SH3GLB2: variants seen among roughly 807,000 people sequenced by gnomAD.
SH3GLB2 encodes the protein SH3 domain containing GRB2 like, endophilin B2.
In SH3GLB2, 24 loss-of-function variants were observed where a neutral mutation model predicts 48.0. The observed-to-expected ratio is 0.50, with a 90% CI of 0.36 to 0.70. The LOEUF is 0.70. SH3GLB2 is among the 30% of genes least tolerant of loss of function. The pLI, the probability that SH3GLB2 is intolerant of heterozygous loss-of-function variation, is 0.00. For synonymous variants in SH3GLB2, 227 were observed against 207.6 expected, an observed-to-expected ratio of 1.09 and a Z score of -0.80; for missense variants, 425 against 516.0, an observed-to-expected ratio of 0.82 and a Z score of 1.71.
At chr9:129,009,691 C>T (rs1352528177) in intron 9 of SH3GLB2, 80 bp downstream of exon 9, 8 of 1,441,064 alleles carry the variant, frequency 5.6e-6, no homozygotes, top group Non-Finnish European at 7.6e-6. Flanking sequence ...ACAGGACTTG[C>T]CCAGAGGAGC....
At chr9:129,019,791 C>T (rs1843668759) in intron 3 of SH3GLB2, among the ~76,000 whole-genome samples, 1 of 149,320 alleles carries the variant, frequency 6.7e-6, no homozygotes, top group Non-Finnish European at 1.5e-5. Context: ...GAATTATACA[C>T]TTAAACACAT....
At chr9:129,016,002 A>T (rs1252401286) in intron 3 of SH3GLB2, 1 of 166,784 alleles carries the variant, frequency 6.0e-6, no homozygotes, top group Non-Finnish European at 1.3e-5. Context: ...AAGTAAAGAA[A>T]AAATTGTTCA....
intron 8 of SH3GLB2, 26 bp from the exon 9 acceptor site, chr9:129,009,897 C>A (rs1214738982): frequency 6.3e-7 from 1 of 1,598,466 alleles, no homozygotes; most frequent in Non-Finnish European, 8.6e-7. Context: ...CAGAGGCTGA[C>A]TTCTAACCTC....
chr9:129,010,512 CCA>C, intron 7 of SH3GLB2, 156 bp downstream of exon 7: 1 of 824,094 alleles, frequency 1.2e-6, no homozygotes, highest in Non-Finnish European at 2.0e-6. Context: ...AAACATTTCC[CCA>C]CAGAGGGGAA....
In SH3GLB2 at chr9:129,014,753, T is replaced by C. The variant is rs775207557; in HGVS notation, c.468+18A>G. 2 of 1,607,676 alleles carry C rather than the reference T, an allele frequency of 1.2e-6. No individual in the cohort carries two copies. Among genetic ancestry groups the C allele is most frequent in the South Asian group, 2.2e-5 (2 of 90,498 alleles). ...CTGCCATGGTTACCAGGAAGCGGAA[T>C]AGTCCCAGGGCCCTCACCGAGATGG... On this transcript the variant is annotated intron_variant, in intron 4 of 10. Coordinates refer to ENST00000372564, the MANE Select transcript of SH3GLB2 (RefSeq NM_020145.4). This position sits in a 1 kb window ranked among gnomAD's most constrained non-coding sequence, Gnocchi z 4.1.
intron 3 of SH3GLB2, among the ~76,000 whole-genome samples, chr9:129,018,448 G>A (rs1385796273): frequency 6.6e-6 from 1 of 151,252 alleles, no homozygotes; most frequent in East Asian, 1.9e-4. Flanking sequence ...ATGGTGGCGG[G>A]TGCCTGTAAT....
chr9:129,012,612 C>T lies in SH3GLB2; in HGVS notation c.562-314G>A, dbSNP rs1008042347. The T allele has an allele frequency of 1.6e-5, 7 of 424,722 alleles. No individual in the cohort carries two copies. The East Asian group carries it at 2.1e-4, about 13-fold the overall frequency. 26.3% of individuals were successfully genotyped at this position (424,722 alleles called of 1,614,324 possible). ...CTGGGCTCTCCCCTGCCAGGGGCCACAGCCCCCTCCTCCCCAGACCAGTGG... is the reference window on the plus strand; with the variant it reads ...CTGGGCTCTCCCCTGCCAGGGGCCATAGCCCCCTCCTCCCCAGACCAGTGG... On this transcript the variant is annotated intron_variant, in intron 5 of 10. Coordinates refer to ENST00000372564, the MANE Select transcript of SH3GLB2 (RefSeq NM_020145.4).
chr9:129,014,988 C>A lies in SH3GLB2; in HGVS notation c.335-84G>T. The A allele has an allele frequency of 1.3e-6, 2 of 1,535,400 alleles. No individual in the cohort carries two copies. Among genetic ancestry groups the A allele is most frequent in the Non-Finnish European group, 1.8e-6 (2 of 1,142,520 alleles). On this transcript the variant is annotated intron_variant, in intron 3 of 10. Coordinates refer to ENST00000372564, the MANE Select transcript of SH3GLB2 (RefSeq NM_020145.4). The surrounding 1 kb of genome is among the most constrained non-coding windows in gnomAD (Gnocchi z 4.1). ...CAGGAGAGGGCTCAGGAAGAGCTTG[C>A]TGAAGAGCAAGGGCCGGGGTGCTCA...
At chr9:129,026,045 C>A (rs1844143843) in intron 1 of SH3GLB2, among the ~76,000 whole-genome samples, 1 of 152,146 alleles carries the variant, frequency 6.6e-6, no homozygotes, top group Admixed American at 6.5e-5. Context: ...TGCCTCGGTG[C>A]CCTTATCTGG....
At chr9:129,018,101 AT>A (rs1843549340) in intron 3 of SH3GLB2, among the ~76,000 whole-genome samples, 1 of 152,028 alleles carries the variant, frequency 6.6e-6, no homozygotes, top group African/African-American at 2.4e-5. Flanking sequence ...CAAAATAATA[AT>A]AATACTAACA....
Position 129,009,207 on chromosome 9 carries a change from G to C in SH3GLB2, c.979C>G (p.Leu327Val). ...LAPPGEASLC[L>V]EEVAPPASGT... ...CTGGCAGGGGGGGCCACCTCTTCCA[G>C]GCAGAGCGAGGCCTCCCCCGGAGGG... is the stretch of plus-strand genomic sequence containing the variant. Residue 327 changes from leucine (L) to valine (V), a missense_variant, in exon 10 of 11, where the codon CTG becomes GTG. By Grantham distance (32) the Leu-to-Val change is conservative. Transcript: ENST00000372564. 3 of 1,608,812 alleles carry C rather than the reference G, an allele frequency of 1.9e-6. No individual in the cohort carries two copies. Among genetic ancestry groups the C allele is most frequent in the South Asian group, 1.1e-5 (1 of 90,308 alleles).
intron 1 of SH3GLB2, among the ~76,000 whole-genome samples, chr9:129,027,042 C>G (rs1215588455): frequency 6.6e-6 from 1 of 152,102 alleles, no homozygotes; most frequent in Non-Finnish European, 1.5e-5. Flanking sequence ...ATGACAACGA[C>G]AACGACAAAG....
Position 129,014,941 on chromosome 9 carries a change from A to C in SH3GLB2, c.335-37T>G, listed in dbSNP as rs1226028474. On this transcript the variant is annotated intron_variant, in intron 3 of 10. Transcript: ENST00000372564. This position sits in a 1 kb window ranked among gnomAD's most constrained non-coding sequence, Gnocchi z 4.1. ...GAGTTGAAGCGTGAGGAAGAAGGTC[A>C]GGCTCAGGCTACTCTGATCTACAGG... 6.2e-7 allele frequency: 1 copy of C among 1,602,224 alleles called. No individual in the cohort carries two copies. The highest frequency in any genetic ancestry group is 8.5e-7 in the Non-Finnish European group (1 of 1,174,032).
At chr9:129,015,216 G>A (rs1186635870) in intron 3 of SH3GLB2, among the ~76,000 whole-genome samples, 2 of 152,170 alleles carry the variant, frequency 1.3e-5, no homozygotes, top group Admixed American at 6.6e-5. Flanking sequence ...TGGACACCAC[G>A]CCAGGTGCGG....
At chr9:129,019,504 G>A (rs1843646918) in intron 3 of SH3GLB2, among the ~76,000 whole-genome samples, 1 of 151,876 alleles carries the variant, frequency 6.6e-6, no homozygotes, top group Admixed American at 6.6e-5. Context: ...TCAGGAGATC[G>A]AGACCTGCCT....
intron 3 of SH3GLB2, among the ~76,000 whole-genome samples, chr9:129,017,538 C>T (rs1273827346): frequency 4.0e-5 from 6 of 151,644 alleles, no homozygotes; most frequent in African/African-American, 9.7e-5. Context: ...CTAAGGCAGG[C>T]GGATCACTTG....
intron 3 of SH3GLB2, among the ~76,000 whole-genome samples, chr9:129,019,955 G>A (rs1843678792): frequency 6.6e-6 from 1 of 151,706 alleles, no homozygotes; most frequent in South Asian, 2.1e-4. Flanking sequence ...CGTAATCCCA[G>A]CACTTTGGGA....
At chr9:129,020,181 G>A (rs918910678) in intron 3 of SH3GLB2, among the ~76,000 whole-genome samples, 1 of 114,682 alleles carries the variant, frequency 8.7e-6, no homozygotes, top group Non-Finnish European at 1.7e-5. Flanking sequence ...ACTCCAGCCC[G>A]GACAACAGAG....
At position 129,010,923 on chromosome 9, in the gene SH3GLB2, G is replaced by C. The variant is rs1843083223; in HGVS notation, c.625-230C>G. The C allele has an allele frequency of 1.5e-5, 9 of 589,636 alleles. No individual in the cohort carries two copies. The South Asian group carries it at 1.9e-4, about 12-fold the overall frequency. The allele number at this position is 589,636 out of a possible 1,614,324, so 36.5% of individuals were successfully genotyped here. A position where few individuals can be genotyped will look rare whatever the true frequency, so the allele number is the denominator to read the frequency against. ...TGCAGGAGGGGAGCAGCCAGCAGGA[G>C]TCCTGCTTATATTTCTCCTACAGTG... On this transcript the variant is annotated intron_variant, in intron 6 of 10. Transcript: ENST00000372564.
Sources: allele counts gnomAD v4.1 joint callset (sites outside exome capture counted in the v4.1 genomes callset), GRCh38; gene constraint gnomAD v4.1.1; non-coding constraint Gnocchi (gnomAD v3.1); transcripts MANE v1.5; gene names NCBI Gene and HGNC (gene_info 2026-07-23, HGNC 2026-07-21).